The following DDR2 variants were observed in gnomAD, a reference collection of about 807,000 sequenced individuals.
DDR2 encodes discoidin domain receptor tyrosine kinase 2.
DDR2 carries 27 observed loss-of-function variants against 94.9 expected under a neutral mutation model. The ratio of observed to expected loss-of-function variants is 0.28; its 90% CI spans 0.21 to 0.39. DDR2 has a LOEUF of 0.39. DDR2 is among the 10% of genes least tolerant of loss of function. The pLI, the probability that DDR2 is intolerant of heterozygous loss-of-function variation, is 1.00. For synonymous variants in DDR2, 382 were observed against 377.2 expected, an observed-to-expected ratio of 1.01 and a Z score of -0.15; for missense variants, 783 against 1,076.0, an observed-to-expected ratio of 0.73 and a Z score of 3.81.
intron 2 of DDR2, among the ~76,000 whole-genome samples, chr1:162,684,806 CCCA>C (rs1363523414): frequency 2.2e-5 from 3 of 138,318 alleles, no homozygotes; most frequent in Non-Finnish European, 4.6e-5. Context: ...CACAAACACA[CCCA>C]CCAACACACA....
At chr1:162,631,509 C>G (rs898437594), upstream of DDR2, 1 of 152,210 alleles carries the variant, frequency 6.6e-6, no homozygotes, top group Non-Finnish European at 1.5e-5. Flanking sequence ...TCTCCTGCCC[C>G]TGGGTCCCTG....
At chr1:162,724,600 A>G (rs1357196420) in intron 3 of DDR2, among the ~76,000 whole-genome samples, 1 of 152,060 alleles carries the variant, frequency 6.6e-6, no homozygotes, top group Non-Finnish European at 1.5e-5. Flanking sequence ...CATATTTCCA[A>G]ATTGGAAACT....
At chr1:162,731,222 T>G (rs1662033385) in intron 3 of DDR2, among the ~76,000 whole-genome samples, 1 of 152,210 alleles carries the variant, frequency 6.6e-6, no homozygotes, top group Admixed American at 6.5e-5. Flanking sequence ...GTGATTCATG[T>G]TAACTAATCA....
At chr1:162,661,251 AT>A (rs1217273030) in intron 2 of DDR2, among the ~76,000 whole-genome samples, 1 of 152,192 alleles carries the variant, frequency 6.6e-6, no homozygotes, top group Non-Finnish European at 1.5e-5. Context: ...CCACAAATTG[AT>A]TTCATTAATT....
At chr1:162,662,884 T>A (rs1658375591) in intron 2 of DDR2, among the ~76,000 whole-genome samples, 1 of 152,054 alleles carries the variant, frequency 6.6e-6, no homozygotes, top group Non-Finnish European at 1.5e-5. Context: ...ACTGAATAAC[T>A]GAACGAGGGG....
At chr1:162,644,047 T>C (rs1657288011) in intron 1 of DDR2, among the ~76,000 whole-genome samples, 1 of 152,196 alleles carries the variant, frequency 6.6e-6, no homozygotes, top group Admixed American at 6.5e-5. Flanking sequence ...GCAACTTGCT[T>C]TTTCCCAAGT....
chr1:162,721,632 G>T (rs1433112896), intron 3 of DDR2, among the ~76,000 whole-genome samples: 1 of 152,194 alleles, frequency 6.6e-6, no homozygotes, highest in Non-Finnish European at 1.5e-5. Flanking sequence ...CTCTTCAGGA[G>T]TCCTTACTGG....
At chr1:162,706,940 C>T (rs1248575263) in intron 2 of DDR2, among the ~76,000 whole-genome samples, 2 of 152,190 alleles carry the variant, frequency 1.3e-5, no homozygotes, top group African/African-American at 4.8e-5. Flanking sequence ...TTCTCTTGAT[C>T]AATGACTTTA....
At chr1:162,714,444 T>C (rs1399895964) in intron 2 of DDR2, among the ~76,000 whole-genome samples, 2 of 152,182 alleles carry the variant, frequency 1.3e-5, no homozygotes, top group Non-Finnish European at 2.9e-5. Context: ...GGTGTAGATA[T>C]ACCTTCATTT....
At chr1:162,724,559 A>G (rs762445165) in intron 3 of DDR2, among the ~76,000 whole-genome samples, 2 of 152,130 alleles carry the variant, frequency 1.3e-5, no homozygotes, top group Non-Finnish European at 2.9e-5. Flanking sequence ...CTTGTCTTCC[A>G]CCAAGACTGC....
rs148541574 is a variant in DDR2, at chr1:162,714,948, G to A, written c.-27-4089G>A. On this transcript the variant is annotated intron_variant, in intron 2 of 17. Transcript: ENST00000367921. Reference sequence around the variant, plus strand: ...GGGGTTTGTACTACTAACTAAATAAGTGGGTAGAGAAGGGCTTTCCTAGCA... The same window carrying A: ...GGGGTTTGTACTACTAACTAAATAAATGGGTAGAGAAGGGCTTTCCTAGCA... Among the ~76,000 whole-genome samples the A allele has an allele frequency of 5.4e-3, 822 of 152,326 alleles. 6 individuals carry two copies. The highest frequency in any genetic ancestry group is 0.019 in the African/African-American group (790 of 41,566).
intron 1 of DDR2, among the ~76,000 whole-genome samples, chr1:162,636,272 G>T (rs929301717): frequency 2.6e-5 from 4 of 152,184 alleles, no homozygotes; most frequent in African/African-American, 9.7e-5. Context: ...GGTCAGTTTT[G>T]AGCCAGCCCA....
intron 3 of DDR2, among the ~76,000 whole-genome samples, chr1:162,742,477 G>A (rs1662660808): frequency 1.3e-5 from 2 of 152,092 alleles, no homozygotes; most frequent in Non-Finnish European, 2.9e-5. Flanking sequence ...GGGGTGGCGG[G>A]GAAGGGACTG....
At chr1:162,767,396 G>T in intron 11 of DDR2, 37 bp downstream of exon 11, 9 of 1,611,438 alleles carry the variant, frequency 5.6e-6, no homozygotes, top group Non-Finnish European at 7.6e-6. Flanking sequence ...ATAAGAAACT[G>T]CTCCTTTCTT....
At chr1:162,653,205 G>A (rs1385793936) in intron 1 of DDR2, among the ~76,000 whole-genome samples, 1 of 152,164 alleles carries the variant, frequency 6.6e-6, no homozygotes, top group African/African-American at 2.4e-5. Context: ...GTTTCCTTTA[G>A]CTTCTACGTC....
chr1:162,646,145 G>A (rs907035111), intron 1 of DDR2, among the ~76,000 whole-genome samples: 4 of 152,174 alleles, frequency 2.6e-5, no homozygotes, highest in Non-Finnish European at 5.9e-5. Context: ...AAACACCAAT[G>A]AAAAGCCAGG....
intron 2 of DDR2, among the ~76,000 whole-genome samples, chr1:162,658,078 T>TA (rs1658096646): frequency 6.6e-6 from 1 of 152,172 alleles, no homozygotes; most frequent in African/African-American, 2.4e-5. Context: ...AATTTCTCCT[T>TA]GAAAGGGAAA....
At chr1:162,749,991 G>C (rs1352268410) in intron 3 of DDR2, among the ~76,000 whole-genome samples, 1 of 151,768 alleles carries the variant, frequency 6.6e-6, no homozygotes, top group Non-Finnish European at 1.5e-5. Flanking sequence ...CAGTAAACTA[G>C]GTATTGATGG....
intron 3 of DDR2, among the ~76,000 whole-genome samples, chr1:162,734,029 C>A (rs1438733336): frequency 6.6e-6 from 1 of 152,120 alleles, no homozygotes; most frequent in East Asian, 1.9e-4. Context: ...TCTCCCCTAC[C>A]GGAATGTAAG....
Sources: gnomAD v4.1 joint callset for allele counts (sites outside exome capture counted in the v4.1 genomes callset) on GRCh38, gnomAD v4.1.1 for gene constraint, MANE v1.5 for transcripts, NCBI Gene and HGNC (gene_info 2026-07-23, HGNC 2026-07-21) for gene names.